ATL2: variants seen among roughly 807,000 people sequenced by gnomAD.
ATL2 encodes the protein atlastin GTPase 2.
ATL2 carries 31 observed loss-of-function variants against 73.9 expected under a neutral mutation model. The ratio of observed to expected loss-of-function variants is 0.42; its 90% CI spans 0.32 to 0.57. The LOEUF (loss-of-function observed/expected upper bound fraction) is 0.57. ATL2 is among the 20% of genes least tolerant of loss of function. The pLI, the probability that ATL2 is intolerant of heterozygous loss-of-function variation, is 0.14. For synonymous variants in ATL2, 291 were observed against 237.5 expected (o/e 1.23, Z -2.07); for missense variants, 738 against 702.6 (o/e 1.05, Z -0.57).
chr2:38,347,766 CCTTT>C (rs933395186), intron 1 of ATL2, among the ~76,000 whole-genome samples: 4 of 146,562 alleles, frequency 2.7e-5, no homozygotes, highest in Non-Finnish European at 4.4e-5. Flanking sequence ...TCTGCCCTTA[CCTTT>C]TTTTTTTTTT....
intron 9 of ATL2, among the ~76,000 whole-genome samples, chr2:38,302,738 C>T (rs760660788): frequency 2.6e-5 from 4 of 151,978 alleles, no homozygotes; most frequent in Non-Finnish European, 5.9e-5. Context: ...TACAAATCTG[C>T]AAGAGCCACA....
At chr2:38,366,654 C>T (rs1434293356) in intron 1 of ATL2, among the ~76,000 whole-genome samples, 2 of 152,196 alleles carry the variant, frequency 1.3e-5, no homozygotes, top group Non-Finnish European at 2.9e-5. Context: ...ATTTCTACTT[C>T]AGAACATATA....
rs1034980992 is a variant in ATL2, at chr2:38,332,905, T to C, written c.363+10363A>G. 2.6e-5 allele frequency among the ~76,000 whole-genome samples: 4 copies of C among 152,296 alleles called. No homozygotes were observed. The South Asian group carries it at 6.2e-4, about 24-fold the overall frequency. On this transcript the variant is annotated intron_variant, in intron 2 of 12. Coordinates refer to ENST00000378954, the MANE Select transcript of ATL2 (RefSeq NM_001135673.4). The stretch of plus-strand genomic sequence containing the variant: ...GAAATTTGTGAGAACAAAGAAATTC[T>C]GAAGCCAGGCTCAATGGCACATGTC...
In ATL2 at chr2:38,298,595, G is replaced by C. The variant is rs959252559; in HGVS notation, c.1201-20C>G. On this transcript the variant is annotated intron_variant, in intron 11 of 12. Transcript: ENST00000378954. ...ACATACCTGGACAGACAGAATTACAGTATTACATGCTAGAAATAATTAACA... is the reference window on the plus strand; with the variant it reads ...ACATACCTGGACAGACAGAATTACACTATTACATGCTAGAAATAATTAACA... 6.3e-7 allele frequency: 1 copy of C among 1,583,532 alleles called. No individual in the cohort carries two copies. The highest frequency in any genetic ancestry group is 1.4e-5 in the African/African-American group (1 of 73,538).
chr2:38,355,555 G>C (rs1052683354), intron 1 of ATL2, among the ~76,000 whole-genome samples: 4 of 152,090 alleles, frequency 2.6e-5, no homozygotes, highest in Non-Finnish European at 4.4e-5. Context: ...ATCAAAGCTG[G>C]CTTCAAGACT....
In ATL2 at chr2:38,310,456, G is replaced by T; in HGVS notation, c.805-9C>A. The T allele has an allele frequency of 6.3e-7, 1 of 1,579,178 alleles. No individual in the cohort carries two copies. The highest frequency in any genetic ancestry group is 8.6e-7 in the Non-Finnish European group (1 of 1,166,748). On this transcript the variant is annotated splice_polypyrimidine_tract_variant and intron_variant, in intron 7 of 12. Transcript: ENST00000378954. ...TGTTGATTTTGTTTTACCTGAGGGC[G>T]GAGAGAGACAGGTGAAATTGTAAAC...
intron 4 of ATL2, among the ~76,000 whole-genome samples, chr2:38,316,123 G>C (rs1253205983): frequency 6.6e-6 from 1 of 152,160 alleles, no homozygotes; most frequent in East Asian, 1.9e-4. Context: ...TAGGAACCAG[G>C]GTGACTCCGA....
chr2:38,304,631 G>A (rs931759478), intron 9 of ATL2, among the ~76,000 whole-genome samples: 9 of 152,036 alleles, frequency 5.9e-5, no homozygotes, highest in Admixed American at 1.3e-4. Context: ...TAGAAACAAC[G>A]AAAAGTTTAA....
Position 38,365,061 on chromosome 2 carries a change from A to T in ATL2, c.118+12082T>A, listed in dbSNP as rs552799393. Among the ~76,000 whole-genome samples, 8 of 150,206 alleles carry T rather than the reference A, an allele frequency of 5.3e-5. No homozygotes were observed. In the East Asian group the frequency reaches 1.6e-3, roughly 29 times the overall value. The stretch of plus-strand genomic sequence containing the variant: ...TCCGTCTCAAAAAAAAAAAAAAATT[A>T]CTTTAAGAGTTGTAAAGTATCAAGC... On this transcript the variant is annotated intron_variant, in intron 1 of 12. Coordinates refer to ENST00000378954, the MANE Select transcript of ATL2 (RefSeq NM_001135673.4).
intron 1 of ATL2, among the ~76,000 whole-genome samples, chr2:38,375,595 A>G (rs1026083095): frequency 6.6e-6 from 1 of 152,216 alleles, no homozygotes; most frequent in Non-Finnish European, 1.5e-5. Flanking sequence ...AATACATAGA[A>G]TATTTTGAAA....
chr2:38,371,492 C>A (rs778411764), intron 1 of ATL2, among the ~76,000 whole-genome samples: 23 of 151,886 alleles, frequency 1.5e-4, no homozygotes, highest in Non-Finnish European at 2.4e-4. Flanking sequence ...CAGGGCAAGA[C>A]CTCGTTTCAA....
rs557853307 is a variant in ATL2, at chr2:38,377,148, G to T, written c.113C>A (p.Ser38Tyr). The change falls in exon 1 of 13, where the codon TCC (serine) becomes TAC (tyrosine). Residue 38 changes from serine to tyrosine, a missense_variant. Transcript: ENST00000378954. ...TCTGCCTCGCTGGCCCGTACCTAGGGAGGTCGTGGACGAGACGTGGTTAAC... is the reference window on the plus strand; with the variant it reads ...TCTGCCTCGCTGGCCCGTACCTAGGTAGGTCGTGGACGAGACGTGGTTAAC... ...AAVNHVSSTT[S>Y]LGENYEDDDL... The T allele has an allele frequency of 6.2e-7, 1 of 1,610,330 alleles. No homozygotes were observed. Among genetic ancestry groups the T allele is most frequent in the African/African-American group, 1.3e-5 (1 of 74,718 alleles).
chr2:38,360,084 C>T (rs949671062), intron 1 of ATL2, among the ~76,000 whole-genome samples: 1 of 143,364 alleles, frequency 7.0e-6, no homozygotes, highest in South Asian at 2.2e-4. Flanking sequence ...GAGATGAGAT[C>T]GTCGTCCACT....
intron 11 of ATL2, 24 bp from the exon 12 acceptor site, chr2:38,298,599 T>C: frequency 6.3e-7 from 1 of 1,577,996 alleles, no homozygotes; most frequent in Non-Finnish European, 8.6e-7. Context: ...ATTACAGTAT[T>C]ACATGCTAGA....
chr2:38,337,436 A>G (rs1386471935), intron 2 of ATL2, among the ~76,000 whole-genome samples: 1 of 133,782 alleles, frequency 7.5e-6, no homozygotes, highest in African/African-American at 2.9e-5. Context: ...CAGTGAGCTG[A>G]GATCACATCA....
chr2:38,343,061 T>C (rs1325405483), intron 2 of ATL2, among the ~76,000 whole-genome samples: 2 of 146,586 alleles, frequency 1.4e-5, no homozygotes, highest in Non-Finnish European at 3.0e-5. Context: ...GGTGGGAGGA[T>C]TGCTTGAGAT....
At chr2:38,332,998 C>T (rs1287813992) in intron 2 of ATL2, among the ~76,000 whole-genome samples, 1 of 151,894 alleles carries the variant, frequency 6.6e-6, no homozygotes. Flanking sequence ...TCAAGGACAG[C>T]CTGGGCAACA....
chr2:38,324,905 A>T (rs1320773374), intron 2 of ATL2, among the ~76,000 whole-genome samples: 1 of 152,200 alleles, frequency 6.6e-6, no homozygotes, highest in Non-Finnish European at 1.5e-5. Flanking sequence ...GTTAGTGTTT[A>T]ATGGGCACAG....
chr2:38,296,278 T>C (rs1666889298), intron 12 of ATL2, 165 bp from the exon 13 acceptor site: 1 of 1,437,830 alleles, frequency 7.0e-7, no homozygotes. Flanking sequence ...CTACTAGACA[T>C]TTTATAATGC....
Sources: gnomAD v4.1 joint callset for allele counts (sites outside exome capture counted in the v4.1 genomes callset) on GRCh38, gnomAD v4.1.1 for gene constraint, MANE v1.5 for transcripts, NCBI Gene and HGNC (gene_info 2026-07-23, HGNC 2026-07-21) for gene names.